Variants in NGEF observed in about 807,000 individuals in gnomAD.
NGEF encodes neuronal guanine nucleotide exchange factor, also known as ephexin-1.
A neutral mutation model predicts 80.9 loss-of-function variants in NGEF; 31 were observed. That is an observed-to-expected ratio of 0.38 (90% CI 0.29 to 0.52). The LOEUF is 0.52. NGEF is among the 20% of genes least tolerant of loss of function. The probability of loss-of-function intolerance (pLI) is 0.84; values close to 1 mark genes in which losing one functional copy is unlikely to be tolerated. For missense variants in NGEF, 709 were observed against 926.2 expected, an observed-to-expected ratio of 0.77 and a Z score of 3.04; for synonymous variants, 371 against 370.2, an observed-to-expected ratio of 1.00 and a Z score of -0.03.
chr2:232,939,271 T>C (rs981071573), intron 3 of NGEF, among the ~76,000 whole-genome samples: 4 of 149,216 alleles, frequency 2.7e-5, no homozygotes, highest in Non-Finnish European at 4.5e-5. Flanking sequence ...AATCACCTCA[T>C]AAACTACATA....
intron 1 of NGEF, among the ~76,000 whole-genome samples, chr2:232,995,772 A>T (rs1694828350): frequency 6.8e-6 from 1 of 146,814 alleles, no homozygotes; most frequent in South Asian, 2.1e-4. Context: ...ATATGTATTC[A>T]TATACATATA....
At chr2:232,943,647 C>A (rs1693488014) in intron 3 of NGEF, among the ~76,000 whole-genome samples, 1 of 151,598 alleles carries the variant, frequency 6.6e-6, no homozygotes, top group South Asian at 2.1e-4. Flanking sequence ...AGGCGCCCGC[C>A]ACTAGACCCG....
At chr2:232,940,307 A>G (rs995147418) in intron 3 of NGEF, among the ~76,000 whole-genome samples, 3 of 152,384 alleles carry the variant, frequency 2.0e-5, no homozygotes, top group Admixed American at 6.5e-5. Context: ...AAACACAGCA[A>G]TCAAAGAGTT....
At chr2:232,943,016 T>C (rs569331078) in intron 3 of NGEF, among the ~76,000 whole-genome samples, 1 of 151,824 alleles carries the variant, frequency 6.6e-6, no homozygotes, top group Non-Finnish European at 1.5e-5. Flanking sequence ...GCAGTGAAGA[T>C]TGCATGTTAA....
At chr2:232,942,904 CTTTTTTTTTT>C (rs60735452) in intron 3 of NGEF, among the ~76,000 whole-genome samples, 2 of 117,900 alleles carry the variant, frequency 1.7e-5, no homozygotes, top group Non-Finnish European at 3.4e-5. Flanking sequence ...AGTGAAATTT[CTTTTTTTTTT>C]TTTTTTTTTT....
At chr2:233,011,764 TC>T (rs975116653) in intron 1 of NGEF, among the ~76,000 whole-genome samples, 1 of 151,630 alleles carries the variant, frequency 6.6e-6, no homozygotes, top group Non-Finnish European at 1.5e-5. Context: ...CAATTCATCT[TC>T]CCCCATGTCT....
intron 8 of NGEF, 114 bp from the exon 9 acceptor site, chr2:232,888,221 T>TGCAC: frequency 1.4e-6 from 1 of 704,924 alleles, no homozygotes; most frequent in African/African-American, 1.8e-5. Flanking sequence ...TGCTGCAGCA[T>TGCAC]GCACACACAC....
chr2:232,931,119 G>A (rs1693208637), intron 3 of NGEF, among the ~76,000 whole-genome samples: 1 of 152,150 alleles, frequency 6.6e-6, no homozygotes, highest in Admixed American at 6.5e-5. Context: ...AGGAAGGAAG[G>A]AAGAGAACAG....
intron 1 of NGEF, among the ~76,000 whole-genome samples, chr2:232,976,955 G>A (rs1181611622): frequency 2.6e-5 from 4 of 152,174 alleles, no homozygotes; most frequent in Non-Finnish European, 5.9e-5. Context: ...AGGATTGTGC[G>A]GTGGCTGGGA....
At chr2:232,911,580 T>C (rs1575011891) in intron 5 of NGEF, among the ~76,000 whole-genome samples, 1 of 152,212 alleles carries the variant, frequency 6.6e-6, no homozygotes, top group Non-Finnish European at 1.5e-5. Flanking sequence ...ATGGAATGTA[T>C]AGATAAATAT....
At chr2:232,888,167 C>T in intron 8 of NGEF, 60 bp from the exon 9 acceptor site, 1 of 1,339,252 alleles carries the variant, frequency 7.5e-7, no homozygotes, top group Non-Finnish European at 1.0e-6. Flanking sequence ...TCCCATTTCC[C>T]ACCTTGACCG....
chr2:232,888,493 A>G (rs1691774762), intron 8 of NGEF, among the ~76,000 whole-genome samples: 2 of 151,586 alleles, frequency 1.3e-5, no homozygotes, highest in African/African-American at 2.4e-5. Context: ...ACATGTACAC[A>G]CGTGTACAAA....
intron 5 of NGEF, among the ~76,000 whole-genome samples, chr2:232,906,179 C>T (rs1365717363): frequency 7.0e-5 from 2 of 28,748 alleles, no homozygotes; most frequent in African/African-American, 2.5e-4. Flanking sequence ...GGGGGGTCAG[C>T]CCCCCGCCTG....
At chr2:232,996,991 A>T (rs1413103089) in intron 1 of NGEF, among the ~76,000 whole-genome samples, 1 of 152,130 alleles carries the variant, frequency 6.6e-6, no homozygotes, top group African/African-American at 2.4e-5. Context: ...GTGACCTCTG[A>T]CTTCTAACAG....
At chr2:232,884,263 C>T (rs1691604178) in intron 10 of NGEF, 119 bp from the exon 11 acceptor site, 1 of 1,211,896 alleles carries the variant, frequency 8.3e-7, no homozygotes, top group African/African-American at 1.5e-5. Context: ...ACACATGAGG[C>T]ACAAGTTGGG....
At chr2:232,904,763 G>A (rs1333780136) in intron 5 of NGEF, among the ~76,000 whole-genome samples, 1 of 152,028 alleles carries the variant, frequency 6.6e-6, no homozygotes, top group Non-Finnish European at 1.5e-5. Flanking sequence ...AGGCGAAACA[G>A]CAAGACCCCA....
At chr2:232,930,324 C>G in intron 3 of NGEF, among the ~76,000 whole-genome samples, 1 of 134,350 alleles carries the variant, frequency 7.4e-6, no homozygotes, top group East Asian at 2.0e-4. Context: ...CTCTCTCTCT[C>G]TCTTTTTTTT....
chr2:232,979,284 C>T (rs1294040327), intron 1 of NGEF, among the ~76,000 whole-genome samples: 1 of 151,482 alleles, frequency 6.6e-6, no homozygotes, highest in African/African-American at 2.4e-5. Flanking sequence ...GGGGGATTGT[C>T]CTCCCTGAAA....
chr2:232,963,812 C>CA (rs1050124558), intron 3 of NGEF, among the ~76,000 whole-genome samples: 15 of 147,580 alleles, frequency 1.0e-4, no homozygotes, highest in East Asian at 2.0e-4. Flanking sequence ...GACTCCATCT[C>CA]AAAAAAAAAG....
Sources: allele counts gnomAD v4.1 joint callset (sites outside exome capture counted in the v4.1 genomes callset), GRCh38; gene constraint gnomAD v4.1.1; transcripts MANE v1.5; gene names NCBI Gene and HGNC (gene_info 2026-07-23, HGNC 2026-07-21).